The following ADGRF3 variants were observed in gnomAD, a reference collection of about 807,000 sequenced individuals.
The protein encoded by ADGRF3 is G protein-coupled receptor 113.
In ADGRF3, 85 loss-of-function variants were observed where a neutral mutation model predicts 93.2. That is an observed-to-expected ratio of 0.91 (90% confidence interval 0.77 to 1.09). ADGRF3 has a LOEUF of 1.09. Ranked by LOEUF, ADGRF3 falls within the 50% of genes least tolerant of loss-of-function variation. ADGRF3 has a pLI of 0.00. For missense variants in ADGRF3, 1,125 were observed against 1,246.2 expected (o/e 0.90, Z 1.46); for synonymous variants, 534 against 532.5 (o/e 1.00, Z -0.04).
intron 1 of ADGRF3, among the ~76,000 whole-genome samples, chr2:26,317,765 A>G (rs1674829788): frequency 6.6e-6 from 1 of 152,238 alleles, no homozygotes; most frequent in South Asian, 2.1e-4. Flanking sequence ...ATCCCACCCA[A>G]GACCAGGAAC....
At position 26,316,944 on chromosome 2, in the gene ADGRF3, C is replaced by G. The variant is rs201417935; in HGVS notation, c.293G>C (p.Arg98Thr). ...LPAASASSSP[R>T]PLLTGLRLTT... ...GAGTCTGAGGCCAGTGAGAAGAGGC[C>G]TTGGGGAAGAGGAAGCTGAGGCAGC... The change falls in exon 3 of 14, where the codon AGG becomes ACG. Residue 98 changes from arginine (R) to threonine (T), a missense_variant. Coordinates refer to ENST00000651242, the MANE Select transcript of ADGRF3 (RefSeq NM_001321971.2). The G allele has an allele frequency of 2.7e-5, 44 of 1,612,696 alleles. No homozygotes were observed. The African/African-American group carries it at 5.7e-4, about 21-fold the overall frequency.
At chr2:26,312,118 A>G (rs1180134627) in intron 9 of ADGRF3, 44 bp from the exon 10 acceptor site, 3 of 1,551,732 alleles carry the variant, frequency 1.9e-6, no homozygotes, top group Middle Eastern at 4.7e-4. Context: ...GCTGGCGCCC[A>G]CAGGACTGAG....
At position 26,316,955 on chromosome 2, in the gene ADGRF3, G is replaced by A. The variant is rs748236606; in HGVS notation, c.282C>T (p.Ser94=). The A allele has an allele frequency of 6.2e-7, 1 of 1,612,982 alleles. No homozygotes were observed. The highest frequency in any genetic ancestry group is 8.5e-7 in the Non-Finnish European group (1 of 1,179,586). The change falls in exon 3 of 14, where the codon TCC becomes TCT. Residue 94 remains serine, a synonymous_variant. Coordinates refer to ENST00000651242, the MANE Select transcript of ADGRF3 (RefSeq NM_001321971.2). ...CAGTGAGAAGAGGCCTTGGGGAAGAGGAAGCTGAGGCAGCAGGGAGAGTCA... is the reference window on the plus strand; with the variant it reads ...CAGTGAGAAGAGGCCTTGGGGAAGAAGAAGCTGAGGCAGCAGGGAGAGTCA... ...RTLTLPAASA[S]SSPRPLLTGL...
intron 1 of ADGRF3, among the ~76,000 whole-genome samples, chr2:26,330,027 G>C (rs917710558): frequency 2.6e-5 from 4 of 152,204 alleles, no homozygotes; most frequent in Non-Finnish European, 5.9e-5. Context: ...TGAGACTCTG[G>C]ATCTTGTTTA....
intron 1 of ADGRF3, chr2:26,317,887 C>T: frequency 2.6e-6 from 2 of 775,218 alleles, no homozygotes; most frequent in East Asian, 5.3e-5. Flanking sequence ...AGCAGCGGAG[C>T]TGGACATTGC....
At chr2:26,321,765 A>G (rs911117493) in intron 1 of ADGRF3, among the ~76,000 whole-genome samples, 9 of 151,892 alleles carry the variant, frequency 5.9e-5, no homozygotes, top group African/African-American at 1.7e-4. Flanking sequence ...TGAGGTCAGG[A>G]GTTCGAGACC....
intron 6 of ADGRF3, among the ~76,000 whole-genome samples, chr2:26,314,150 G>A (rs1294411186): frequency 2.0e-5 from 3 of 152,234 alleles, no homozygotes; most frequent in Admixed American, 1.3e-4. Flanking sequence ...GTAAAATGGA[G>A]ACTACCATCA....
rs1347100414 is a variant in ADGRF3, at chr2:26,318,046, G to T, written c.115-484C>A. ...TCTGTCAGGGTGAGGGTGGAGGTCT[G>T]GGCCCACATTGTCTGGCCCTTGGGC... is the stretch of plus-strand genomic sequence containing the variant. On this transcript the variant is annotated intron_variant, in intron 1 of 13. Transcript: ENST00000651242. 14 of 1,551,458 alleles carry T rather than the reference G, an allele frequency of 9.0e-6. No homozygotes were observed. In the East Asian group the frequency reaches 2.7e-4, roughly 30 times the overall value.
intron 1 of ADGRF3, among the ~76,000 whole-genome samples, chr2:26,333,401 G>T (rs1675868344): frequency 1.5e-3 from 1 of 666 alleles, no homozygotes; most frequent in South Asian, 0.062. Context: ...AATGAGATTG[G>T]GTACCAACCT....
intron 8 of ADGRF3, 96 bp downstream of exon 8, chr2:26,313,281 G>A (rs1674352336): frequency 7.0e-7 from 1 of 1,433,326 alleles, no homozygotes; most frequent in Non-Finnish European, 9.4e-7. Context: ...ACAGCCTGTG[G>A]GCTGGGCCTT....
At chr2:26,341,319 G>C (rs1016585702) in intron 1 of ADGRF3, among the ~76,000 whole-genome samples, 1 of 152,006 alleles carries the variant, frequency 6.6e-6, no homozygotes, top group Non-Finnish European at 1.5e-5. Context: ...CAGAGGTTGC[G>C]GTTAGCCAAG....
chr2:26,333,968 C>G (rs774301727), intron 1 of ADGRF3, among the ~76,000 whole-genome samples: 1 of 146,880 alleles, frequency 6.8e-6, no homozygotes, highest in South Asian at 2.2e-4. Flanking sequence ...TACAGGCACA[C>G]GCCACCACGC....
chr2:26,334,700 G>A (rs1392619533), intron 1 of ADGRF3, among the ~76,000 whole-genome samples: 32 of 152,114 alleles, frequency 2.1e-4, no homozygotes, highest in Admixed American at 1.8e-3. Context: ...TTCTATTAAC[G>A]CAATGACTTG....
intron 9 of ADGRF3, 104 bp downstream of exon 9, chr2:26,312,839 C>T (rs929934307): frequency 1.5e-5 from 16 of 1,092,910 alleles, no homozygotes; most frequent in African/African-American, 1.4e-4. Context: ...AGGTCTGCTG[C>T]CCAACAGCCC....
rs1674379827 is a variant in ADGRF3 at position 26,313,522 on chromosome 2, G to A, written c.1124C>T (p.Thr375Ile). ...GGCCTGTGCCACGTGGCCAGCCTTG[G>A]TGACATTCCAGGTGAGCACCGAGGC... Reference protein sequence around the residue: ...EDASVLTWNVTKAGHVAQAPC... With the variant: ...EDASVLTWNVIKAGHVAQAPC... Residue 375 changes from threonine to isoleucine, a missense_variant, in exon 8 of 14, where the codon ACC becomes ATC. Coordinates refer to ENST00000651242, the MANE Select transcript of ADGRF3 (RefSeq NM_001321971.2). 1.9e-6 allele frequency: 3 copies of A among 1,611,950 alleles called. No homozygotes were observed. Among genetic ancestry groups the A allele is most frequent in the Non-Finnish European group, 2.5e-6 (3 of 1,179,530 alleles).
At chr2:26,318,216 C>T (rs1365802969) in intron 1 of ADGRF3, 4 of 780,820 alleles carry the variant, frequency 5.1e-6, no homozygotes, top group Non-Finnish European at 8.2e-6. Context: ...GTGTCACAGA[C>T]CTGAGCCCTG....
At position 26,346,230 on chromosome 2, in the gene ADGRF3, G is replaced by A. The variant is rs1209894069; in HGVS notation, c.5C>T (p.Thr2Met). Residue 2 changes from threonine (T) to methionine (M), a missense_variant, in exon 1 of 14, where the codon ACG becomes ATG. Physicochemically the swap from Thr to Met is moderately conservative, Grantham distance 81. Coordinates refer to ENST00000651242, the MANE Select transcript of ADGRF3 (RefSeq NM_001321971.2). ...CGAGTGGGCGCTCAGTTTTCGGGTC[G>A]TCATGGCTGGCTACGAATACGTGAG... The part of the protein sequence containing the change: M[T>M]TRKLSAHSAA... 6.2e-7 allele frequency: 1 copy of A among 1,613,648 alleles called. No individual in the cohort carries two copies. The highest frequency in any genetic ancestry group is 1.7e-5 in the Admixed American group (1 of 60,004).
chr2:26,328,502 G>A (rs1675576138), intron 1 of ADGRF3, among the ~76,000 whole-genome samples: 2 of 136,642 alleles, frequency 1.5e-5, no homozygotes, highest in South Asian at 2.3e-4. Flanking sequence ...TGCCTAGGCT[G>A]GAGTGCAGCA....
Position 26,315,415 on chromosome 2 carries a change from G to C in ADGRF3, c.718+107C>G, listed in dbSNP as rs976513865. The C allele has an allele frequency of 5.2e-6, 6 of 1,162,660 alleles. No homozygotes were observed. The African/African-American group carries it at 6.2e-5, about 12-fold the overall frequency. 72.0% of individuals were successfully genotyped at this position (1,162,660 alleles called of 1,614,324 possible). A position where few individuals can be genotyped will look rare whatever the true frequency, so the allele number is the denominator to read the frequency against. On this transcript the variant is annotated intron_variant, in intron 5 of 13. Transcript: ENST00000651242. ...TGGAAAGAAAAGAAGGAAGGAGAAGGGAGGGAGGCGTGGGAAGAAGAGGTG... is the reference window on the plus strand; with the variant it reads ...TGGAAAGAAAAGAAGGAAGGAGAAGCGAGGGAGGCGTGGGAAGAAGAGGTG...
Sources: gnomAD v4.1 joint callset for allele counts (sites outside exome capture counted in the v4.1 genomes callset) on GRCh38, gnomAD v4.1.1 for gene constraint, MANE v1.5 for transcripts, NCBI Gene and HGNC (gene_info 2026-07-23, HGNC 2026-07-21) for gene names.